The following APBA1 variants were observed in gnomAD, a reference collection of about 807,000 sequenced individuals.
The protein encoded by APBA1 is amyloid-beta A4 precursor protein-binding family A member 1.
APBA1 carries 55 observed loss-of-function variants against 86.6 expected under a neutral mutation model. That is an observed-to-expected ratio of 0.64 (90% CI 0.51 to 0.80). The LOEUF (loss-of-function observed/expected upper bound fraction) is 0.80. Ranked by LOEUF, APBA1 falls within the 30% of genes least tolerant of loss-of-function variation. The probability of loss-of-function intolerance (pLI) is 0.00; values close to 1 mark genes in which losing one functional copy is unlikely to be tolerated. For synonymous variants in APBA1, 511 were observed against 493.9 expected (o/e 1.03, Z -0.46); for missense variants, 1,090 against 1,183.0 (o/e 0.92, Z 1.15).
intron 1 of APBA1, among the ~76,000 whole-genome samples, chr9:69,558,588 T>C (rs1046753792): frequency 6.0e-5 from 9 of 150,346 alleles, no homozygotes; most frequent in Non-Finnish European, 1.3e-4. Context: ...ATATACACAT[T>C]ATATGTATAA....
intron 1 of APBA1, among the ~76,000 whole-genome samples, chr9:69,608,926 G>C (rs1159008290): frequency 6.6e-6 from 1 of 151,964 alleles, no homozygotes; most frequent in Non-Finnish European, 1.5e-5. Flanking sequence ...AACCATCACT[G>C]GTATTTAATT....
intron 5 of APBA1, chr9:69,461,599 G>A (rs1188361216): frequency 1.3e-5 from 2 of 152,194 alleles, no homozygotes; most frequent in Non-Finnish European, 1.5e-5. Context: ...TTAAGTAGAT[G>A]TTGTCATTTC....
intron 1 of APBA1, among the ~76,000 whole-genome samples, chr9:69,648,687 C>T (rs1208763081): frequency 6.6e-6 from 1 of 152,122 alleles, no homozygotes; most frequent in Non-Finnish European, 1.5e-5. Flanking sequence ...AAGGGCAAAT[C>T]CAAGCACTCT....
intron 1 of APBA1, among the ~76,000 whole-genome samples, chr9:69,530,632 G>A (rs1054518634): frequency 1.6e-4 from 24 of 152,066 alleles, no homozygotes; most frequent in Admixed American, 7.9e-4. Context: ...CACTATTTGC[G>A]TAATGGATAC....
chr9:69,604,475 CAT>C (rs1348319619), intron 1 of APBA1, among the ~76,000 whole-genome samples: 2 of 141,918 alleles, frequency 1.4e-5, no homozygotes, highest in African/African-American at 2.7e-5. Context: ...CATGCACACA[CAT>C]GAGGGTAAGT....
intron 1 of APBA1, among the ~76,000 whole-genome samples, chr9:69,606,351 G>C (rs1026300719): frequency 2.0e-5 from 3 of 152,120 alleles, no homozygotes; most frequent in Non-Finnish European, 4.4e-5. Flanking sequence ...CTTGATATCT[G>C]CTGCCTAGTT....
chr9:69,516,703 A>G lies in APBA1; in HGVS notation c.508T>C (p.Tyr170His). The G allele has an allele frequency of 6.2e-7, 1 of 1,611,276 alleles. No homozygotes were observed. Among genetic ancestry groups the G allele is most frequent in the South Asian group, 1.1e-5 (1 of 90,748 alleles). ...AMNAAYSGYV[Y>H]THRLFHRGED... is the part of the protein sequence containing the mutation. ...CCGCGGTGGAAGAGCCGGTGCGTGTAGACGTAGCCTGAGTAGGCCGCATTC... is the reference window on the plus strand; with the variant it reads ...CCGCGGTGGAAGAGCCGGTGCGTGTGGACGTAGCCTGAGTAGGCCGCATTC... Residue 170 changes from tyrosine to histidine, a missense_variant, in exon 2 of 13, where the codon TAC becomes CAC. Tyr to His is a moderately conservative substitution (Grantham distance 83, BLOSUM62 2). Coordinates refer to ENST00000265381, the MANE Select transcript of APBA1 (RefSeq NM_001163.4). This position sits in a 1 kb window ranked among gnomAD's most constrained non-coding sequence, Gnocchi z 7.3.
chr9:69,581,079 C>T (rs905361616), intron 1 of APBA1, among the ~76,000 whole-genome samples: 1 of 152,132 alleles, frequency 6.6e-6, no homozygotes, highest in Non-Finnish European at 1.5e-5. Context: ...GGATACACCC[C>T]ACAAACGGCG....
intron 2 of APBA1, among the ~76,000 whole-genome samples, chr9:69,493,287 C>A (rs1371738753): frequency 3.3e-5 from 5 of 152,062 alleles, no homozygotes; most frequent in African/African-American, 1.2e-4. Flanking sequence ...TCTTCTACTT[C>A]CTATTCTCTT....
intron 1 of APBA1, among the ~76,000 whole-genome samples, chr9:69,664,618 T>A (rs1823810813): frequency 6.6e-6 from 1 of 152,252 alleles, no homozygotes; most frequent in Non-Finnish European, 1.5e-5. Context: ...TTATATAATG[T>A]GACTTCAATT....
At chr9:69,540,158 A>ACAACAACAAC (rs1554698954) in intron 1 of APBA1, among the ~76,000 whole-genome samples, 1 of 148,234 alleles carries the variant, frequency 6.7e-6, no homozygotes, top group Non-Finnish European at 1.5e-5. Flanking sequence ...AACAACAACA[A>ACAACAACAAC]AAGTCACCTT....
intron 2 of APBA1, among the ~76,000 whole-genome samples, chr9:69,482,343 A>G (rs1267698756): frequency 6.6e-6 from 1 of 152,040 alleles, no homozygotes; most frequent in East Asian, 1.9e-4. Context: ...AAAAGAAGAC[A>G]TTTATGCAGC....
chr9:69,452,127 T>G lies in APBA1; in HGVS notation c.1963A>C (p.Lys655Gln). Reference protein sequence around the residue: ...LIHFSKSENCKDVFIEKQKGE... With the variant: ...LIHFSKSENCQDVFIEKQKGE... Reference sequence around the variant, plus strand: ...AGCTTCAGGTAAGTACCCACATCTTTACAGTTTTCCGACTTGGAGAAGTGG... The same window carrying G: ...AGCTTCAGGTAAGTACCCACATCTTGACAGTTTTCCGACTTGGAGAAGTGG... Residue 655 changes from lysine (K) to glutamine (Q), a missense_variant, in exon 9 of 13, where the codon AAA (lysine) becomes CAA (glutamine). Transcript: ENST00000265381. The G allele has an allele frequency of 1.9e-6, 3 of 1,614,026 alleles. No homozygotes were observed. Among genetic ancestry groups the G allele is most frequent in the Non-Finnish European group, 2.5e-6 (3 of 1,179,936 alleles).
At chr9:69,670,653 C>T (rs1823930244) in intron 1 of APBA1, among the ~76,000 whole-genome samples, 1 of 152,200 alleles carries the variant, frequency 6.6e-6, no homozygotes, top group African/African-American at 2.4e-5. Flanking sequence ...ACCCTACCTA[C>T]ACACACCTAT....
chr9:69,447,540 CCAAA>C (rs1164053969), intron 10 of APBA1, among the ~76,000 whole-genome samples: 2 of 152,308 alleles, frequency 1.3e-5, no homozygotes, highest in East Asian at 3.9e-4. Context: ...CCGTGACAAC[CCAAA>C]CAGTCTCCAT....
chr9:69,652,276 C>G (rs2134016906), intron 1 of APBA1, among the ~76,000 whole-genome samples: 1 of 152,310 alleles, frequency 6.6e-6, no homozygotes, highest in African/African-American at 2.4e-5. Context: ...ACTTCAGGAA[C>G]TAGACACAGG....
chr9:69,656,601 C>A (rs1352608676), intron 1 of APBA1, among the ~76,000 whole-genome samples: 1 of 152,160 alleles, frequency 6.6e-6, no homozygotes, highest in Non-Finnish European at 1.5e-5. Context: ...TATGAGGGAG[C>A]CTCCCAGGGG....
intron 1 of APBA1, among the ~76,000 whole-genome samples, chr9:69,615,461 T>C (rs1006097977): frequency 9.9e-5 from 15 of 152,180 alleles, no homozygotes; most frequent in African/African-American, 3.6e-4. Flanking sequence ...GAATATCATA[T>C]TTGAGAACGT....
At chr9:69,505,861 A>G (rs1835952272) in intron 2 of APBA1, among the ~76,000 whole-genome samples, 1 of 151,982 alleles carries the variant, frequency 6.6e-6, no homozygotes. Flanking sequence ...CTACTAAAAA[A>G]TACAAAAATT....
Sources: allele counts gnomAD v4.1 joint callset (sites outside exome capture counted in the v4.1 genomes callset), GRCh38; gene constraint gnomAD v4.1.1; non-coding constraint Gnocchi (gnomAD v3.1); transcripts MANE v1.5; gene names NCBI Gene and HGNC (gene_info 2026-07-23, HGNC 2026-07-21).